Variants in METTL25B observed in about 807,000 individuals in gnomAD.
METTL25B encodes methyltransferase-like protein 25B.
Under a neutral mutation model 48.4 loss-of-function variants are expected in METTL25B, and 38 were observed. The ratio of observed to expected loss-of-function variants is 0.78; its 90% confidence interval spans 0.61 to 1.03. The LOEUF is 1.03. Ranked by LOEUF, METTL25B falls within the 50% of genes least tolerant of loss-of-function variation. The pLI is 0.00. For missense variants in METTL25B, 537 were observed against 603.7 expected, an observed-to-expected ratio of 0.89 and a Z score of 1.16; for synonymous variants, 230 against 254.5, an observed-to-expected ratio of 0.90 and a Z score of 0.92.
At chr1:156,733,981 C>G in intron 5 of METTL25B, 28 bp from the exon 6 acceptor site, 1 of 1,563,426 alleles carries the variant, frequency 6.4e-7, no homozygotes, top group Non-Finnish European at 8.7e-7. Flanking sequence ...GACTTCCCAT[C>G]TGCCTTTGTC....
chr1:156,731,841 T>C, intron 1 of METTL25B, 150 bp from the exon 2 acceptor site: 1 of 979,230 alleles, frequency 1.0e-6, no homozygotes, highest in Non-Finnish European at 1.5e-6. Flanking sequence ...CTGACTCGGC[T>C]TAGCAGGAGG....
At position 156,734,159 on chromosome 1, in the gene METTL25B, C is replaced by CTT. The variant is rs1357414297; in HGVS notation, c.788_789insTT (p.Ser264Ter). ...CACAGGCCTCCACGCCTGTGGGGAT[C>CTT]TGAGTGTTGCCTTGCTGAGACACTT... On this transcript the variant is annotated frameshift_variant, in exon 6 of 8. Coordinates refer to ENST00000368216, the MANE Select transcript of METTL25B (RefSeq NM_015997.4). LOFTEE classifies it high-confidence loss of function. The CTT allele has an allele frequency of 1.9e-6, 3 of 1,614,236 alleles. No homozygotes were observed. In the Admixed American group the frequency reaches 5.0e-5, roughly 27 times the overall value.
In METTL25B at chr1:156,729,165, C is replaced by G. The variant is rs145451381; in HGVS notation, c.61C>G (p.Leu21Val). ...HEGRKQLAVN[L>V]TRVLALYRSI... ...GGGGAGGAAGCAGCTAGCTGTTAAC[C>G]TCACCCGTGTCCTGGCACTCTACCG... The change falls in exon 1 of 8, where the codon CTC becomes GTC. Residue 21 changes from leucine (L) to valine (V), a missense_variant. Transcript: ENST00000368216. 2 of 1,612,124 alleles carry G rather than the reference C, an allele frequency of 1.2e-6. No individual in the cohort carries two copies. Among genetic ancestry groups the G allele is most frequent in the South Asian group, 2.2e-5 (2 of 90,882 alleles).
intron 5 of METTL25B, 96 bp from the exon 6 acceptor site, chr1:156,733,913 A>C (rs1426969457): frequency 6.8e-7 from 1 of 1,469,464 alleles, no homozygotes; most frequent in East Asian, 2.3e-5. Context: ...CTCCTTGGGG[A>C]ATAACATGGA....
chr1:156,733,348 G>A (rs770726466), intron 4 of METTL25B, 29 bp from the exon 5 acceptor site: 3 of 1,613,630 alleles, frequency 1.9e-6, no homozygotes, highest in Admixed American at 1.7e-5. Context: ...CACTGAACAG[G>A]GCTGTTTCCA....
chr1:156,736,003 A>C, intron 7 of METTL25B, 94 bp downstream of exon 7: 1 of 1,104,084 alleles, frequency 9.1e-7, no homozygotes, highest in Non-Finnish European at 1.3e-6. Flanking sequence ...TTCTGGGCCT[A>C]GCTAATCACT....
chr1:156,734,698 A>AT (rs1465696725), intron 6 of METTL25B, among the ~76,000 whole-genome samples: 10 of 151,466 alleles, frequency 6.6e-5, no homozygotes, highest in Admixed American at 2.0e-4. Context: ...CACCCGGCTA[A>AT]TTTTTTGTAT....
At position 156,736,882 on chromosome 1, in the gene METTL25B, CCT is replaced by C. The variant is rs1249475605; in HGVS notation, c.*130_*131del. ...AGTCCTGGTTCCTTCAGTTTCATCC[CCT>C]TTCTCTCCTTCCATGGATTATGTAA... On this transcript the variant is annotated 3_prime_UTR_variant, in exon 8 of 8. Coordinates refer to ENST00000368216, the MANE Select transcript of METTL25B (RefSeq NM_015997.4). The C allele has an allele frequency of 1.2e-6, 1 of 805,698 alleles. No individual in the cohort carries two copies. Among genetic ancestry groups the C allele is most frequent in the Non-Finnish European group, 1.9e-6 (1 of 523,410 alleles). The allele number at this position is 805,698 out of a possible 1,614,324, so 49.9% of individuals were successfully genotyped here. A position where few individuals can be genotyped will look rare whatever the true frequency, so the allele number is the denominator to read the frequency against.
chr1:156,734,678 C>T (rs2102665852), intron 6 of METTL25B, among the ~76,000 whole-genome samples, 185 bp downstream of exon 6: 1 of 151,694 alleles, frequency 6.6e-6, no homozygotes, highest in East Asian at 2.0e-4. Flanking sequence ...ACTACAGGTG[C>T]CCGCCACTAC....
Position 156,734,102 on chromosome 1 carries a change from A to G in METTL25B, c.730A>G (p.Asn244Asp), listed in dbSNP as rs375198058. 4.0e-5 allele frequency: 65 copies of G among 1,614,192 alleles called. No homozygotes were observed. The highest frequency in any genetic ancestry group is 5.4e-5 in the Non-Finnish European group (64 of 1,180,046). ...TGAGGAGCTTCTGCTTCCACTGGAG[A>G]ACCCGTGTCAGGGCAGGGCCCGCTT... ...LCEELLLPLE[N>D]PCQGRARLLL... Residue 244 changes from asparagine to aspartate, a missense_variant, in exon 6 of 8, where the codon AAC (asparagine) becomes GAC (aspartate). Asn to Asp is a conservative substitution (Grantham distance 23). Coordinates refer to ENST00000368216, the MANE Select transcript of METTL25B (RefSeq NM_015997.4).
intron 1 of METTL25B, among the ~76,000 whole-genome samples, chr1:156,731,242 G>A (rs979087087): frequency 6.6e-6 from 1 of 152,192 alleles, no homozygotes; most frequent in East Asian, 1.9e-4. Flanking sequence ...TCCTGCCTCA[G>A]CCTACTGGGT....
At chr1:156,733,096 A>G (rs755986139) in intron 4 of METTL25B, 49 bp downstream of exon 4, 2 of 1,547,534 alleles carry the variant, frequency 1.3e-6, no homozygotes, top group East Asian at 2.3e-5. Flanking sequence ...GGGGACATAG[A>G]ACACCTGGAA....
At position 156,734,055 on chromosome 1, in the gene METTL25B, G is replaced by T; in HGVS notation, c.683G>T (p.Trp228Leu). 1.9e-6 allele frequency: 3 copies of T among 1,613,710 alleles called. No individual in the cohort carries two copies. The highest frequency in any genetic ancestry group is 2.5e-6 in the Non-Finnish European group (3 of 1,179,768). ...PRHSPHHVVR[W>L]VDPTALCEEL... ...CACTCCCCACACCACGTGGTTAGGT[G>T]GGTAGACCCCACAGCCCTGTGTGAG... is the stretch of plus-strand genomic sequence containing the variant. The change falls in exon 6 of 8, where the codon TGG (tryptophan) becomes TTG (leucine). Residue 228 changes from tryptophan to leucine, a missense_variant. Transcript: ENST00000368216.
In METTL25B at chr1:156,732,035, G is replaced by A. The variant is rs985371245; in HGVS notation, c.156G>A (p.Trp52Ter). 1.2e-6 allele frequency: 2 copies of A among 1,614,222 alleles called. No homozygotes were observed. The highest frequency in any genetic ancestry group is 1.7e-5 in the Admixed American group (1 of 60,026). Residue 52 changes from tryptophan to a stop codon, truncating the protein, a stop_gained, in exon 2 of 8, where the codon TGG (tryptophan) becomes TGA (stop). Coordinates refer to ENST00000368216, the MANE Select transcript of METTL25B (RefSeq NM_015997.4). LOFTEE classifies it high-confidence loss of function. Reference sequence around the variant, plus strand: ...TATGGGACACACTCCCTTGCTCATGGCAGGAAGCATTGGATGGACTGAAAC... The same window carrying A: ...TATGGGACACACTCCCTTGCTCATGACAGGAAGCATTGGATGGACTGAAAC... ...DNLWDTLPCS[W>*]QEALDGLKPP...
In METTL25B at chr1:156,728,586, G is replaced by C. The variant is rs1488220731; in HGVS notation, c.-519G>C. On this transcript the variant is annotated 5_prime_UTR_variant, in exon 1 of 8. Coordinates refer to ENST00000368216, the MANE Select transcript of METTL25B (RefSeq NM_015997.4). The stretch of plus-strand genomic sequence containing the variant: ...TAGTGAGGCCAGTGATTCCGAGTGT[G>C]TGAGGAGCGGCAGTGGCGGCGGAGG... The C allele has an allele frequency of 1.0e-6, 1 of 985,030 alleles. No homozygotes were observed. Among genetic ancestry groups the C allele is most frequent in the East Asian group, 1.1e-4 (1 of 8,734 alleles). The allele number at this position is 985,030 out of a possible 1,614,324, so 61.0% of individuals were successfully genotyped here. A position where few individuals can be genotyped will look rare whatever the true frequency, so the allele number is the denominator to read the frequency against.
At chr1:156,733,900 T>G in intron 5 of METTL25B, 109 bp from the exon 6 acceptor site, 1 of 1,445,218 alleles carries the variant, frequency 6.9e-7, no homozygotes, top group South Asian at 1.4e-5. Flanking sequence ...ATCTCCCACA[T>G]TCCTCCTTGG....
intron 5 of METTL25B, among the ~76,000 whole-genome samples, 178 bp from the exon 6 acceptor site, chr1:156,733,831 A>G (rs1649489568): frequency 6.6e-6 from 1 of 152,234 alleles, no homozygotes; most frequent in Non-Finnish European, 1.5e-5. Flanking sequence ...GGTGAATGAT[A>G]GGTCCAGGAC....
intron 6 of METTL25B, among the ~76,000 whole-genome samples, chr1:156,735,426 G>C (rs1649665527): frequency 7.0e-6 from 1 of 142,958 alleles, no homozygotes; most frequent in African/African-American, 2.6e-5. Context: ...ATGGCCAGGT[G>C]TGGTGGCTCA....
At chr1:156,730,259 T>G (rs1649159807) in intron 1 of METTL25B, among the ~76,000 whole-genome samples, 1 of 152,248 alleles carries the variant, frequency 6.6e-6, no homozygotes, top group East Asian at 1.9e-4. Flanking sequence ...TCTCTTGAAC[T>G]CTATCCCATT....
Sources: allele counts gnomAD v4.1 joint callset (sites outside exome capture counted in the v4.1 genomes callset), GRCh38; gene constraint gnomAD v4.1.1; transcripts MANE v1.5; gene names NCBI Gene and HGNC (gene_info 2026-07-23, HGNC 2026-07-21).